The following PPIA variants were observed in gnomAD, a reference collection of about 807,000 sequenced individuals.
PPIA encodes the protein peptidyl-prolyl cis-trans isomerase A.
Under a neutral mutation model 15.3 loss-of-function variants are expected in PPIA, and 2 were observed. The observed-to-expected ratio is 0.13, with a 90% CI of 0.05 to 0.41. The LOEUF is 0.41. Among genes scored for constraint, PPIA ranks in the 10% least tolerant of loss-of-function variants. The pLI, the probability that PPIA is intolerant of heterozygous loss-of-function variation, is 0.99. For synonymous variants in PPIA, 67 were observed against 73.1 expected, an observed-to-expected ratio of 0.92 and a Z score of 0.43; for missense variants, 103 against 210.3, an observed-to-expected ratio of 0.49 and a Z score of 3.16.
Position 44,801,595 on chromosome 7 carries a change from A to G in PPIA, c.*173A>G. 1.8e-6 allele frequency: 1 copy of G among 553,448 alleles called. No homozygotes were observed. The highest frequency in any genetic ancestry group is 3.2e-6 in the Non-Finnish European group (1 of 312,852). 34.3% of individuals were successfully genotyped at this position (553,448 alleles called of 1,614,324 possible). A position where few individuals can be genotyped will look rare whatever the true frequency, so the allele number is the denominator to read the frequency against. On this transcript the variant is annotated 3_prime_UTR_variant, in exon 5 of 5. Transcript: ENST00000468812. ...CATGCCTAGCTGGATTGCAGAGTTA[A>G]GTTTATGATTATGAAATAAAAACTA...
chr7:44,799,325 TTG>T (rs142167741), intron 2 of PPIA, 48 bp downstream of exon 2: 471 of 1,593,700 alleles, frequency 3.0e-4, no homozygotes, highest in Admixed American at 5.6e-4. Context: ...TTGTGACAGT[TTG>T]TGTGTGTGTG....
chr7:44,801,016 A>G (rs1792540822), intron 4 of PPIA, among the ~76,000 whole-genome samples: 1 of 151,712 alleles, frequency 6.6e-6, no homozygotes, highest in Non-Finnish European at 1.5e-5. Context: ...ACAGGGTTTC[A>G]CCGTGTTAGC....
intron 3 of PPIA, 37 bp from the exon 4 acceptor site, chr7:44,799,665 T>C: frequency 6.2e-7 from 1 of 1,612,550 alleles, no homozygotes; most frequent in East Asian, 2.2e-5. Context: ...TTCATGGTTA[T>C]GTTGTCAGAA....
Position 44,798,763 on chromosome 7 carries a change from A to G in PPIA, c.70-484A>G, listed in dbSNP as rs1292509886. On this transcript the variant is annotated intron_variant, in intron 1 of 4. Transcript: ENST00000468812. Reference sequence around the variant, plus strand: ...CCACTACTAGGTAAGGGGCCTGGATACCAAGAAGTGACTGCTCATCTAATC... The same window carrying G: ...CCACTACTAGGTAAGGGGCCTGGATGCCAAGAAGTGACTGCTCATCTAATC... 3.0e-6 allele frequency: 3 copies of G among 988,492 alleles called. No homozygotes were observed. The African/African-American group carries it at 5.2e-5, about 17-fold the overall frequency. The allele number at this position is 988,492 out of a possible 1,614,324, so 61.2% of individuals were successfully genotyped here.
Position 44,799,490 on chromosome 7 carries a change from T to G in PPIA, c.189+10T>G. 6.2e-7 allele frequency: 1 copy of G among 1,609,118 alleles called. No homozygotes were observed. Among genetic ancestry groups the G allele is most frequent in the Non-Finnish European group, 8.5e-7 (1 of 1,178,258 alleles). ...AGGGTTTATGTGTCAGGTACGAAAT[T>G]TACTGAATTTTATTTTATTTGGGTT... On this transcript the variant is annotated intron_variant, in intron 3 of 4. Transcript: ENST00000468812.
chr7:44,797,936 C>G (rs1166012744), intron 1 of PPIA: 5 of 152,222 alleles, frequency 3.3e-5, no homozygotes, highest in African/African-American at 1.2e-4. Flanking sequence ...TCCATAGTGC[C>G]TGGCACATAG....
At position 44,802,833 on chromosome 7, in the gene PPIA, GAA is replaced by G. The variant is rs4205; in HGVS notation, c.*1414_*1415del. On this transcript the variant is annotated 3_prime_UTR_variant, in exon 5 of 5. Transcript: ENST00000468812. ...TAGATGTCAGGACAATCTAAGCTGAGAAAACCCCTTCTCTGCCCACCTTAACA... is the reference window on the plus strand; with the variant it reads ...TAGATGTCAGGACAATCTAAGCTGAGAACCCCTTCTCTGCCCACCTTAACA... 0.29 allele frequency: 44,707 copies of G among 151,988 alleles called. 7,889 individuals are homozygous for G. The highest frequency in any genetic ancestry group is 0.4 in the Non-Finnish European group (26,902 of 67,892). 9.4% of individuals were successfully genotyped at this position (151,988 alleles called of 1,614,324 possible). A position where few individuals can be genotyped will look rare whatever the true frequency, so the allele number is the denominator to read the frequency against.
chr7:44,800,049 AGATACTAT>A, intron 4 of PPIA, 175 bp downstream of exon 4: 1 of 685,540 alleles, frequency 1.5e-6, no homozygotes, highest in Non-Finnish European at 2.4e-6. Flanking sequence ...ACAGAATGTC[AGATACTAT>A]GATAGAAACT....
intron 1 of PPIA, chr7:44,799,038 G>A: frequency 8.7e-7 from 1 of 1,142,980 alleles, no homozygotes; most frequent in Non-Finnish European, 1.2e-6. Context: ...GACTAGTATT[G>A]GATTTTTGGC....
In PPIA at chr7:44,801,954, G is replaced by A. The variant is rs1309938173; in HGVS notation, c.*532G>A. On this transcript the variant is annotated 3_prime_UTR_variant, in exon 5 of 5. Transcript: ENST00000468812. ...TGGTGGTGCATGCCTAGTCCTAGCT[G>A]ATCTGGAGGCTGACGTGGGAGGATT... 6.3e-6 allele frequency: 1 copy of A among 157,806 alleles called. No homozygotes were observed. The highest frequency in any genetic ancestry group is 2.4e-5 in the African/African-American group (1 of 41,448). 9.8% of individuals were successfully genotyped at this position (157,806 alleles called of 1,614,324 possible). A position where few individuals can be genotyped will look rare whatever the true frequency, so the allele number is the denominator to read the frequency against.
intron 1 of PPIA, 41 bp from the exon 2 acceptor site, chr7:44,799,206 A>G (rs1183599741): frequency 2.5e-6 from 4 of 1,605,806 alleles, no homozygotes; most frequent in Non-Finnish European, 3.4e-6. Context: ...ACTAAGCAAC[A>G]AAATAAGCAG....
chr7:44,797,475 T>G (rs937075334), intron 1 of PPIA, among the ~76,000 whole-genome samples: 13 of 152,082 alleles, frequency 8.5e-5, no homozygotes, highest in African/African-American at 3.1e-4. Context: ...AATGTGAAAA[T>G]GGGCCTTGCC....
chr7:44,798,219 T>C (rs1423775512), intron 1 of PPIA: 1 of 152,184 alleles, frequency 6.6e-6, no homozygotes, highest in Non-Finnish European at 1.5e-5. Flanking sequence ...AAAGCTGATG[T>C]TTTAGAAAGA....
In PPIA at chr7:44,799,489, T is replaced by C. The variant is rs557363663; in HGVS notation, c.189+9T>C. On this transcript the variant is annotated intron_variant, in intron 3 of 4. Transcript: ENST00000468812. ...CAGGGTTTATGTGTCAGGTACGAAA[T>C]TTACTGAATTTTATTTTATTTGGGT... 32 of 1,609,070 alleles carry C rather than the reference T, an allele frequency of 2.0e-5. No individual in the cohort carries two copies. In the South Asian group the frequency reaches 3.4e-4, roughly 17 times the overall value.
At position 44,799,494 on chromosome 7, in the gene PPIA, T is replaced by C. The variant is rs1792481060; in HGVS notation, c.189+14T>C. 6.2e-7 allele frequency: 1 copy of C among 1,608,786 alleles called. No individual in the cohort carries two copies. The highest frequency in any genetic ancestry group is 1.3e-5 in the African/African-American group (1 of 74,784). Reference sequence around the variant, plus strand: ...TTTATGTGTCAGGTACGAAATTTACTGAATTTTATTTTATTTGGGTTGCTC... The same window carrying C: ...TTTATGTGTCAGGTACGAAATTTACCGAATTTTATTTTATTTGGGTTGCTC... On this transcript the variant is annotated intron_variant, in intron 3 of 4. Transcript: ENST00000468812.
chr7:44,799,566 AACTGTT>A, intron 3 of PPIA, 86 bp downstream of exon 3: 5 of 1,571,172 alleles, frequency 3.2e-6, no homozygotes, highest in Non-Finnish European at 4.4e-6. Context: ...CACATATCTG[AACTGTT>A]ACTCTACCAT....
At chr7:44,800,980 G>A (rs975533303) in intron 4 of PPIA, among the ~76,000 whole-genome samples, 2 of 151,914 alleles carry the variant, frequency 1.3e-5, no homozygotes, top group Non-Finnish European at 2.9e-5. Flanking sequence ...ACCATGCCCG[G>A]CTAATTTTTT....
At chr7:44,801,206 A>C in intron 4 of PPIA, 81 bp from the exon 5 acceptor site, 1 of 1,433,266 alleles carries the variant, frequency 7.0e-7, no homozygotes, top group Non-Finnish European at 9.4e-7. Flanking sequence ...AAAAAAAGCT[A>C]CCTTTCTCGT....
At position 44,796,896 on chromosome 7, in the gene PPIA, A is replaced by C. The variant is rs1792384476; in HGVS notation, c.69+103A>C. 3 of 1,265,348 alleles carry C rather than the reference A, an allele frequency of 2.4e-6. No homozygotes were observed. In the Admixed American group the frequency reaches 8.9e-5, roughly 37 times the overall value. 78.4% of individuals were successfully genotyped at this position (1,265,348 alleles called of 1,614,324 possible). ...CCCGGGCGCGGGGCGACCCTGCTTG[A>C]GGGGCGAGCGCGGGCGGGCTGCGGC... On this transcript the variant is annotated intron_variant, in intron 1 of 4. Transcript: ENST00000468812.
Sources: allele counts gnomAD v4.1 joint callset (sites outside exome capture counted in the v4.1 genomes callset), GRCh38; gene constraint gnomAD v4.1.1; transcripts MANE v1.5; gene names NCBI Gene and HGNC (gene_info 2026-07-23, HGNC 2026-07-21).